DACH2: variants seen among roughly 807,000 people sequenced by gnomAD.
DACH2 encodes dachshund homolog 2.
DACH2 carries 17 observed loss-of-function variants against 35.8 expected under a neutral mutation model. That is an observed-to-expected ratio of 0.48 (90% CI 0.33 to 0.71). The LOEUF (loss-of-function observed/expected upper bound fraction) is 0.71. Among genes scored for constraint, DACH2 ranks in the 30% least tolerant of loss-of-function variants. The pLI is 0.02. For synonymous variants in DACH2, 195 were observed against 177.3 expected, an observed-to-expected ratio of 1.10 and a Z score of -0.79; for missense variants, 469 against 472.7, an observed-to-expected ratio of 0.99 and a Z score of 0.07.
intron 4 of DACH2, among the ~76,000 whole-genome samples, chrX:86,666,487 G>T (rs1227053395): frequency 9.0e-6 from 1 of 111,712 alleles, no homozygotes; most frequent in African/African-American, 3.3e-5. Context: ...AAATAAGAGA[G>T]TGTATTTGAC....
intron 1 of DACH2, among the ~76,000 whole-genome samples, chrX:86,244,528 C>T (rs191604306): frequency 9.9e-5 from 11 of 111,634 alleles, no homozygotes; most frequent in Admixed American, 9.5e-4. Flanking sequence ...GTGGGAGGAT[C>T]GCTTAAGCCC....
intron 3 of DACH2, among the ~76,000 whole-genome samples, chrX:86,630,234 G>C (rs1346805467): frequency 9.1e-6 from 1 of 109,927 alleles, no homozygotes; most frequent in African/African-American, 3.3e-5. Flanking sequence ...TGGAGTACCT[G>C]GGTTTAAACC....
intron 1 of DACH2, among the ~76,000 whole-genome samples, chrX:86,349,457 C>A (rs747302872): frequency 1.8e-5 from 2 of 111,830 alleles, no homozygotes; most frequent in South Asian, 3.8e-4. Context: ...TTGGAAAATG[C>A]AACCTTTGGG....
chrX:86,198,950 G>T (rs2032068341), intron 1 of DACH2, among the ~76,000 whole-genome samples: 1 of 110,332 alleles, frequency 9.1e-6, no homozygotes. Context: ...AAACATGGCA[G>T]AGACACAACA....
chrX:86,531,844 C>A (rs2038725986), intron 3 of DACH2, among the ~76,000 whole-genome samples: 1 of 112,704 alleles, frequency 8.9e-6, no homozygotes, highest in African/African-American at 3.2e-5. Flanking sequence ...GGAAAAGCCG[C>A]AGGCACTCAA....
At chrX:86,731,164 C>T (rs1158106314) in intron 6 of DACH2, among the ~76,000 whole-genome samples, 2 of 110,955 alleles carry the variant, frequency 1.8e-5, no homozygotes, top group East Asian at 5.6e-4. Flanking sequence ...TATTTTTGGG[C>T]CAGCATCCAG....
intron 2 of DACH2, among the ~76,000 whole-genome samples, chrX:86,403,491 A>G (rs1483024827): frequency 8.9e-6 from 1 of 112,295 alleles, no homozygotes; most frequent in Non-Finnish European, 1.9e-5. Flanking sequence ...CACATCAGTC[A>G]GAATGGCTAT....
chrX:86,760,597 A>T (rs1469026425), intron 7 of DACH2, among the ~76,000 whole-genome samples: 1 of 111,351 alleles, frequency 9.0e-6, no homozygotes, highest in Non-Finnish European at 1.9e-5. Context: ...CCTGTCTCAT[A>T]TTCTGAATTG....
At chrX:86,489,162 A>T (rs1243682573) in intron 2 of DACH2, among the ~76,000 whole-genome samples, 5 of 111,365 alleles carry the variant, frequency 4.5e-5, no homozygotes, top group Admixed American at 9.6e-5. Flanking sequence ...ATAAATTTAT[A>T]TCTTAATTTC....
chrX:86,292,532 G>T lies in DACH2; in HGVS notation c.489-84292G>T, dbSNP rs1199107436. Reference sequence around the variant, plus strand: ...ATTGTGATGTTAGGTTGTCAATTTTGGATCTTTCCTGTTTTCTCTTGTGGG... The same window carrying T: ...ATTGTGATGTTAGGTTGTCAATTTTTGATCTTTCCTGTTTTCTCTTGTGGG... On this transcript the variant is annotated intron_variant, in intron 1 of 11. Coordinates refer to ENST00000373125, the MANE Select transcript of DACH2 (RefSeq NM_053281.3). Among the ~76,000 whole-genome samples the T allele has an allele frequency of 1.7e-4, 19 of 111,012 alleles. No individual in the cohort carries two copies. In the East Asian group the frequency reaches 2.6e-3, roughly 15 times the overall value.
At chrX:86,537,392 G>A (rs1001914623) in intron 3 of DACH2, among the ~76,000 whole-genome samples, 7 of 110,980 alleles carry the variant, frequency 6.3e-5, no homozygotes, top group Non-Finnish European at 9.4e-5. Flanking sequence ...TCTAAAGTGC[G>A]TTTGGGGTCA....
intron 1 of DACH2, among the ~76,000 whole-genome samples, chrX:86,355,952 G>A (rs2035634715): frequency 9.2e-6 from 1 of 108,189 alleles, no homozygotes; most frequent in Non-Finnish European, 1.9e-5. Context: ...TAGATGCATA[G>A]TTTGCCAATT....
chrX:86,544,719 C>T (rs931982575), intron 3 of DACH2, among the ~76,000 whole-genome samples: 1 of 111,635 alleles, frequency 9.0e-6, no homozygotes, highest in African/African-American at 3.3e-5. Context: ...TGACACTATG[C>T]AGCAACAACA....
At chrX:86,632,494 G>GCACACACACACACA (rs3041616) in intron 3 of DACH2, among the ~76,000 whole-genome samples, 9 of 95,991 alleles carry the variant, frequency 9.4e-5, no homozygotes, top group East Asian at 3.3e-4. Context: ...TCATACACAT[G>GCACACACACACACA]CACACACACA....
chrX:86,792,372 G>T (rs1171218566), intron 7 of DACH2, among the ~76,000 whole-genome samples: 1 of 111,395 alleles, frequency 9.0e-6, no homozygotes, highest in Non-Finnish European at 1.9e-5. Context: ...CTATGTGTTG[G>T]GAACATTTCA....
At chrX:86,613,424 TA>T (rs770556982) in intron 3 of DACH2, among the ~76,000 whole-genome samples, 4 of 111,138 alleles carry the variant, frequency 3.6e-5, no homozygotes, top group South Asian at 3.7e-4. Context: ...ATGCTTATAT[TA>T]AAAAAAACTT....
intron 3 of DACH2, among the ~76,000 whole-genome samples, chrX:86,620,373 G>A (rs1005383459): frequency 1.8e-5 from 2 of 111,536 alleles, no homozygotes; most frequent in African/African-American, 3.3e-5. Context: ...GACTAGAGTC[G>A]GGGAATTGGT....
At chrX:86,777,739 C>G (rs1160723010) in intron 7 of DACH2, among the ~76,000 whole-genome samples, 1 of 110,724 alleles carries the variant, frequency 9.0e-6, no homozygotes, top group Non-Finnish European at 1.9e-5. Context: ...TTCAGTTTTC[C>G]TTTCTGAAAT....
At chrX:86,576,137 A>G (rs2039432899) in intron 3 of DACH2, among the ~76,000 whole-genome samples, 1 of 112,185 alleles carries the variant, frequency 8.9e-6, no homozygotes, top group Non-Finnish European at 1.9e-5. Context: ...ATAGATAAAG[A>G]AGATAGCATT....
Sources: allele counts gnomAD v4.1 joint callset (sites outside exome capture counted in the v4.1 genomes callset), GRCh38; gene constraint gnomAD v4.1.1; transcripts MANE v1.5; gene names NCBI Gene and HGNC (gene_info 2026-07-23, HGNC 2026-07-21).